CLEC16A: variants seen among roughly 807,000 people sequenced by gnomAD.
CLEC16A encodes the protein protein CLEC16A.
A neutral mutation model predicts 109.5 loss-of-function variants in CLEC16A; 51 were observed. That is an observed-to-expected ratio of 0.47 (90% confidence interval 0.37 to 0.59). The LOEUF (loss-of-function observed/expected upper bound fraction) is 0.59. Ranked by LOEUF, CLEC16A falls within the 20% of genes least tolerant of loss-of-function variation. The pLI, the probability that CLEC16A is intolerant of heterozygous loss-of-function variation, is 0.00. For synonymous variants in CLEC16A, 673 were observed against 564.2 expected (o/e 1.19, Z -2.73); for missense variants, 1,339 against 1,394.0 (o/e 0.96, Z 0.63).
chr16:11,167,536 A>G (rs1023451903), intron 23 of CLEC16A, among the ~76,000 whole-genome samples: 16 of 152,176 alleles, frequency 1.1e-4, no homozygotes, highest in East Asian at 1.9e-4. Context: ...TCTCAGCACC[A>G]GGAGCCAAGA....
chr16:11,087,787 G>A (rs553772691), intron 19 of CLEC16A, among the ~76,000 whole-genome samples: 1 of 152,232 alleles, frequency 6.6e-6, no homozygotes, highest in African/African-American at 2.4e-5. Flanking sequence ...TGGGTACACC[G>A]AGGCCCAGAG....
At chr16:10,978,541 G>A (rs1347016963) in intron 8 of CLEC16A, among the ~76,000 whole-genome samples, 2 of 152,206 alleles carry the variant, frequency 1.3e-5, no homozygotes, top group African/African-American at 4.8e-5. Flanking sequence ...CAAAGTGCTG[G>A]GATTACAGGC....
intron 19 of CLEC16A, among the ~76,000 whole-genome samples, chr16:11,083,249 A>T (rs1415821638): frequency 6.6e-6 from 1 of 152,026 alleles, no homozygotes; most frequent in Non-Finnish European, 1.5e-5. Context: ...TACAGCATCA[A>T]ACTCCTGGGC....
At chr16:11,117,969 T>C (rs2052124567) in intron 19 of CLEC16A, among the ~76,000 whole-genome samples, 1 of 150,812 alleles carries the variant, frequency 6.6e-6, no homozygotes, top group Non-Finnish European at 1.5e-5. Flanking sequence ...ATAACTTTCT[T>C]TTTCTTTTCT....
rs61744103 is a variant in CLEC16A, at chr16:11,178,370, C to T, written c.2842C>T (p.Leu948Phe). The T allele has an allele frequency of 2.6e-3, 4,115 of 1,613,584 alleles. 99 individuals are homozygous for T. In the African/African-American group the frequency reaches 0.049, roughly 19 times the overall value. Residue 948 changes from leucine to phenylalanine, a missense_variant, in exon 24 of 24, where the codon CTT becomes TTT. Around this residue, in one of 3 missense-constraint regions of CLEC16A, gnomAD observed 1,061 missense variants for 1,006.8 expected, o/e 1.05. Coordinates refer to ENST00000409790, the MANE Select transcript of CLEC16A (RefSeq NM_015226.3). This position sits in a 1 kb window ranked among gnomAD's most constrained non-coding sequence, Gnocchi z 6.5. Reference sequence around the variant, plus strand: ...GAGTCCAGAACTGCCTAAGCCTCACCTTCCTGACCAGTTGGTAATCGTCAA... The same window carrying T: ...GAGTCCAGAACTGCCTAAGCCTCACTTTCCTGACCAGTTGGTAATCGTCAA... ...PMSPELPKPH[L>F]PDQLVIVNET...
intron 11 of CLEC16A, among the ~76,000 whole-genome samples, chr16:11,004,286 G>C (rs774826388): frequency 2.6e-5 from 4 of 152,198 alleles, no homozygotes; most frequent in Non-Finnish European, 4.4e-5. Context: ...CAGCCACACA[G>C]CTGGGGTCTC....
chr16:11,049,303 G>A (rs2047805409), intron 17 of CLEC16A, among the ~76,000 whole-genome samples: 1 of 152,002 alleles, frequency 6.6e-6, no homozygotes, highest in African/African-American at 2.4e-5. Flanking sequence ...ACCGCACCTG[G>A]CAATTTTTTT....
At chr16:10,960,852 C>T (rs2042218891) in intron 2 of CLEC16A, among the ~76,000 whole-genome samples, 1 of 152,150 alleles carries the variant, frequency 6.6e-6, no homozygotes, top group African/African-American at 2.4e-5. Context: ...TTGTTTCAGC[C>T]TTGGCTATTA....
intron 9 of CLEC16A, 72 bp downstream of exon 9, chr16:10,979,454 T>A: frequency 7.3e-7 from 1 of 1,362,062 alleles, no homozygotes; most frequent in Admixed American, 1.9e-5. Flanking sequence ...TTGAAGAAAA[T>A]CCCCAGGCCT....
intron 22 of CLEC16A, among the ~76,000 whole-genome samples, chr16:11,135,866 C>T (rs574747584): frequency 1.2e-3 from 176 of 152,380 alleles, no homozygotes; most frequent in African/African-American, 3.7e-3. Flanking sequence ...ACGGGCCTGG[C>T]CCCACACGTA....
chr16:11,068,845 C>T (rs972915941), intron 19 of CLEC16A, among the ~76,000 whole-genome samples: 2 of 152,156 alleles, frequency 1.3e-5, no homozygotes, highest in Non-Finnish European at 2.9e-5. Flanking sequence ...GACAGAGTCT[C>T]GCTCTTTCAT....
chr16:10,951,530 G>A (rs892839436), intron 1 of CLEC16A, among the ~76,000 whole-genome samples: 4 of 152,158 alleles, frequency 2.6e-5, no homozygotes, highest in African/African-American at 9.7e-5. Flanking sequence ...AGTCTGCCTG[G>A]TTGTAACCTA....
intron 22 of CLEC16A, among the ~76,000 whole-genome samples, chr16:11,162,278 C>G (rs1418109606): frequency 6.6e-6 from 1 of 152,206 alleles, no homozygotes; most frequent in African/African-American, 2.4e-5. Context: ...TAGTTTCCCC[C>G]CACTGTTGGA....
chr16:10,947,858 T>G (rs8056854), intron 1 of CLEC16A, among the ~76,000 whole-genome samples: 18,307 of 152,058 alleles, frequency 0.12, 1,112 homozygotes, highest in Middle Eastern at 0.14. Flanking sequence ...TTATTTATTA[T>G]TATTATTTTT....
chr16:11,132,700 A>T (rs2053296253), intron 22 of CLEC16A, among the ~76,000 whole-genome samples: 1 of 152,156 alleles, frequency 6.6e-6, no homozygotes. Flanking sequence ...TTGTTCTCTG[A>T]CACTATCCTG....
chr16:10,957,929 T>C lies in CLEC16A; in HGVS notation c.209+19T>C. 6.2e-7 allele frequency: 1 copy of C among 1,609,354 alleles called. No homozygotes were observed. The highest frequency in any genetic ancestry group is 8.5e-7 in the Non-Finnish European group (1 of 1,176,554). ...TATTTGAGTAAGGGTTTCTAATGAT[T>C]GCTGTTCTTTGATTATTCTTCTTTG... On this transcript the variant is annotated intron_variant, in intron 2 of 23. Coordinates refer to ENST00000409790, the MANE Select transcript of CLEC16A (RefSeq NM_015226.3).
At chr16:11,123,681 C>T (rs1031970774) in intron 20 of CLEC16A, 61 bp from the exon 21 acceptor site, 12 of 1,532,036 alleles carry the variant, frequency 7.8e-6, no homozygotes, top group Non-Finnish European at 9.9e-6. Context: ...GATGCCACAG[C>T]TCCTAGCCAC....
intron 19 of CLEC16A, among the ~76,000 whole-genome samples, chr16:11,099,930 G>A (rs2050814890): frequency 6.6e-6 from 1 of 152,178 alleles, no homozygotes; most frequent in Admixed American, 6.5e-5. Flanking sequence ...AGCAGAGACA[G>A]TGGGGATTGT....
intron 8 of CLEC16A, among the ~76,000 whole-genome samples, chr16:10,978,257 G>A (rs1168901420): frequency 2.0e-5 from 3 of 152,204 alleles, no homozygotes; most frequent in African/African-American, 7.2e-5. Flanking sequence ...CTGATTCTGT[G>A]CTGCTGGTTC....
Sources: gnomAD v4.1 joint callset for allele counts (sites outside exome capture counted in the v4.1 genomes callset) on GRCh38, gnomAD v4.1.1 for gene constraint, gnomAD v4.1.1 regional missense constraint, Gnocchi (gnomAD v3.1) non-coding constraint, MANE v1.5 for transcripts, NCBI Gene and HGNC (gene_info 2026-07-23, HGNC 2026-07-21) for gene names.